TEC: variants seen among roughly 807,000 people sequenced by gnomAD.
TEC encodes tyrosine-protein kinase Tec.
A neutral mutation model predicts 93.0 loss-of-function variants in TEC; 72 were observed. That is an observed-to-expected ratio of 0.77 (90% CI 0.64 to 0.94). The LOEUF (loss-of-function observed/expected upper bound fraction) is 0.94, where lower values mean the gene tolerates loss of function less well. Ranked by LOEUF, TEC falls within the 40% of genes least tolerant of loss-of-function variation. The pLI is 0.00. For missense variants in TEC, 630 were observed against 757.9 expected (o/e 0.83, Z 1.98); for synonymous variants, 249 against 247.7 (o/e 1.01, Z -0.05).
intron 1 of TEC, among the ~76,000 whole-genome samples, chr4:48,254,816 G>A (rs1432040398): frequency 6.6e-6 from 1 of 152,198 alleles, no homozygotes; most frequent in African/African-American, 2.4e-5. Context: ...CAGGATGGAG[G>A]GGCGGGGGCT....
intron 1 of TEC, among the ~76,000 whole-genome samples, chr4:48,252,938 T>C (rs1417902102): frequency 6.6e-6 from 1 of 152,206 alleles, no homozygotes; most frequent in African/African-American, 2.4e-5. Flanking sequence ...TGGACAAGTA[T>C]ATTTGGGAAA....
rs775352243 is a variant in TEC at position 48,146,310 on chromosome 4, C to G, written c.1081+15G>C. 3.7e-6 allele frequency: 6 copies of G among 1,611,306 alleles called. No individual in the cohort carries two copies. The highest frequency in any genetic ancestry group is 2.7e-5 in the African/African-American group (2 of 74,886). ...CAAGGAAAATTAGCTCATGCAACCA[C>G]AAAATAAGAGTTACCATAGCTGAAT... On this transcript the variant is annotated intron_variant, in intron 12 of 17. Coordinates refer to ENST00000381501, the MANE Select transcript of TEC (RefSeq NM_003215.3).
At chr4:48,220,538 T>C (rs189747028) in intron 2 of TEC, among the ~76,000 whole-genome samples, 3 of 152,224 alleles carry the variant, frequency 2.0e-5, no homozygotes, top group Non-Finnish European at 2.9e-5. Context: ...CAGGTCCCCT[T>C]TGCCTTCCAC....
chr4:48,167,377 C>T (rs893726498), intron 7 of TEC, among the ~76,000 whole-genome samples: 3 of 151,894 alleles, frequency 2.0e-5, no homozygotes, highest in African/African-American at 2.4e-5. Flanking sequence ...TATGTGTATG[C>T]ATACACACAC....
intron 14 of TEC, among the ~76,000 whole-genome samples, chr4:48,143,474 C>T (rs1719769343): frequency 6.6e-6 from 1 of 152,180 alleles, no homozygotes; most frequent in Non-Finnish European, 1.5e-5. Flanking sequence ...ACAATGATAA[C>T]AATAACTGAT....
chr4:48,185,990 TG>T (rs1451351858), intron 2 of TEC, among the ~76,000 whole-genome samples: 1 of 152,164 alleles, frequency 6.6e-6, no homozygotes, highest in Non-Finnish European at 1.5e-5. Context: ...GCGGAGTGCC[TG>T]GGATTGCAGG....
intron 9 of TEC, 27 bp from the exon 10 acceptor site, chr4:48,150,969 T>A: frequency 6.6e-7 from 1 of 1,517,168 alleles, no homozygotes; most frequent in Non-Finnish European, 8.9e-7. Context: ...GAAAAAATTT[T>A]TTTTACTCTA....
intron 1 of TEC, among the ~76,000 whole-genome samples, chr4:48,230,294 C>T (rs1212389296): frequency 6.6e-6 from 1 of 152,064 alleles, no homozygotes; most frequent in Non-Finnish European, 1.5e-5. Flanking sequence ...TCCAATCAGG[C>T]CCCTCCATTT....
At chr4:48,247,776 A>G (rs1406877303) in intron 1 of TEC, among the ~76,000 whole-genome samples, 1 of 152,242 alleles carries the variant, frequency 6.6e-6, no homozygotes, top group Non-Finnish European at 1.5e-5. Context: ...GGAATTAGAT[A>G]GTGGCGATGA....
At chr4:48,184,520 A>G (rs1577731483) in intron 2 of TEC, among the ~76,000 whole-genome samples, 1 of 152,188 alleles carries the variant, frequency 6.6e-6, no homozygotes, top group African/African-American at 2.4e-5. Flanking sequence ...CCACATGCTT[A>G]TATTACTGTG....
chr4:48,166,455 T>C (rs1720877338), intron 7 of TEC, among the ~76,000 whole-genome samples: 1 of 152,188 alleles, frequency 6.6e-6, no homozygotes, highest in African/African-American at 2.4e-5. Flanking sequence ...TAAGGGAAAG[T>C]CTACAGACGA....
intron 2 of TEC, among the ~76,000 whole-genome samples, chr4:48,213,591 G>A (rs1722979539): frequency 1.3e-5 from 2 of 152,074 alleles, no homozygotes; most frequent in Non-Finnish European, 1.5e-5. Flanking sequence ...TTTTCTACAC[G>A]TACCTGACCA....
chr4:48,240,308 A>C (rs1410868249), intron 1 of TEC, among the ~76,000 whole-genome samples: 7 of 152,162 alleles, frequency 4.6e-5, no homozygotes, highest in Admixed American at 3.9e-4. Flanking sequence ...AGAGTTGATA[A>C]GAAAAAAGAG....
At chr4:48,198,391 T>C (rs1468032500) in intron 2 of TEC, among the ~76,000 whole-genome samples, 3 of 152,176 alleles carry the variant, frequency 2.0e-5, no homozygotes, top group Non-Finnish European at 4.4e-5. Flanking sequence ...GCTAAAGAAG[T>C]ACCCCAGGAA....
chr4:48,210,542 G>C (rs1306328309), intron 2 of TEC, among the ~76,000 whole-genome samples: 2 of 151,536 alleles, frequency 1.3e-5, no homozygotes, highest in Non-Finnish European at 2.9e-5. Flanking sequence ...AGGAGGAAGA[G>C]GGAGGAAAGA....
chr4:48,189,142 G>T (rs1276840173), intron 2 of TEC, among the ~76,000 whole-genome samples: 5 of 152,174 alleles, frequency 3.3e-5, no homozygotes, highest in Admixed American at 2.0e-4. Flanking sequence ...CTTTACAGAT[G>T]GCACATATAT....
intron 1 of TEC, among the ~76,000 whole-genome samples, chr4:48,228,873 A>G (rs1266856541): frequency 2.0e-5 from 3 of 152,202 alleles, no homozygotes; most frequent in Non-Finnish European, 4.4e-5. Flanking sequence ...TCATTTCATG[A>G]GAAAAATCTA....
chr4:48,178,380 C>T (rs4392482), intron 2 of TEC, among the ~76,000 whole-genome samples: 55,653 of 152,090 alleles, frequency 0.37, 11,352 homozygotes, highest in East Asian at 0.9. Context: ...TTCTTTTACC[C>T]TGTCTCTAAG....
intron 9 of TEC, among the ~76,000 whole-genome samples, chr4:48,152,311 G>A (rs1050013675): frequency 1.1e-4 from 16 of 151,998 alleles, no homozygotes; most frequent in African/African-American, 2.7e-4. Flanking sequence ...GGTGGTGCGC[G>A]CCTGTAATCT....
Sources: allele counts gnomAD v4.1 joint callset (sites outside exome capture counted in the v4.1 genomes callset), GRCh38; gene constraint gnomAD v4.1.1; transcripts MANE v1.5; gene names NCBI Gene and HGNC (gene_info 2026-07-23, HGNC 2026-07-21).